The following CSMD1 variants were observed in gnomAD, a reference collection of about 807,000 sequenced individuals.
The protein encoded by CSMD1 is CUB and sushi domain-containing protein 1.
CSMD1 carries 213 observed loss-of-function variants against 417.5 expected under a neutral mutation model. The observed-to-expected ratio is 0.51, with a 90% CI of 0.46 to 0.57. The LOEUF is 0.57. Among genes scored for constraint, CSMD1 ranks in the 20% least tolerant of loss-of-function variants. The pLI is 0.00. For synonymous variants in CSMD1, 2,862 were observed against 1,736.8 expected, an observed-to-expected ratio of 1.65 and a Z score of -16.11; for missense variants, 6,923 against 4,529.7, an observed-to-expected ratio of 1.53 and a Z score of -15.17.
chr8:4,438,607 GCTC>G (rs756632721), intron 2 of CSMD1, among the ~76,000 whole-genome samples: 1 of 152,126 alleles, frequency 6.6e-6, no homozygotes, highest in Admixed American at 6.6e-5. Flanking sequence ...GCTGAATCAT[GCTC>G]CTATTATTTT....
intron 4 of CSMD1, among the ~76,000 whole-genome samples, chr8:4,030,168 C>G (rs1420565327): frequency 6.7e-6 from 1 of 149,314 alleles, no homozygotes; most frequent in Admixed American, 6.8e-5. Context: ...ATTCTGGAGT[C>G]TGAAGGATGG....
At chr8:4,567,995 A>AT (rs1312420844) in intron 2 of CSMD1, among the ~76,000 whole-genome samples, 2 of 152,188 alleles carry the variant, frequency 1.3e-5, no homozygotes, top group African/African-American at 4.8e-5. Context: ...AGTATCAGTG[A>AT]TTTTCACAGG....
intron 5 of CSMD1, among the ~76,000 whole-genome samples, chr8:3,877,644 G>A (rs1177317093): frequency 6.6e-6 from 1 of 151,598 alleles, no homozygotes. Flanking sequence ...CCTTACAGTA[G>A]AATGTCTATT....
chr8:3,749,864 A>G (rs944970698), intron 6 of CSMD1, among the ~76,000 whole-genome samples: 3 of 152,046 alleles, frequency 2.0e-5, no homozygotes, highest in Non-Finnish European at 2.9e-5. Flanking sequence ...GGTGGTTGAC[A>G]ATGGTGCTCG....
chr8:3,695,399 T>A (rs1309140287), intron 7 of CSMD1, among the ~76,000 whole-genome samples: 2 of 149,194 alleles, frequency 1.3e-5, no homozygotes, highest in Admixed American at 6.6e-5. Context: ...ATGCTAAAAC[T>A]CACTTTTATT....
chr8:3,892,475 G>C (rs1394413210), intron 5 of CSMD1, among the ~76,000 whole-genome samples: 1 of 152,016 alleles, frequency 6.6e-6, no homozygotes, highest in Non-Finnish European at 1.5e-5. Context: ...CCCCAACTAA[G>C]TTCTGCAAGA....
At chr8:4,716,713 T>C (rs1430099724) in intron 1 of CSMD1, among the ~76,000 whole-genome samples, 1 of 152,214 alleles carries the variant, frequency 6.6e-6, no homozygotes, top group Non-Finnish European at 1.5e-5. Context: ...CAAGATGATT[T>C]TAATTTTGTA....
At chr8:3,543,807 T>A (rs1183561730) in intron 10 of CSMD1, among the ~76,000 whole-genome samples, 2 of 152,004 alleles carry the variant, frequency 1.3e-5, no homozygotes, top group Non-Finnish European at 2.9e-5. Flanking sequence ...GAGTTCAGAG[T>A]CTGAATAGGA....
At chr8:4,437,082 C>G (rs923984154) in intron 2 of CSMD1, among the ~76,000 whole-genome samples, 11 of 152,180 alleles carry the variant, frequency 7.2e-5, no homozygotes, top group South Asian at 4.1e-4. Context: ...TATGGAAGAA[C>G]AAATTTCCGA....
chr8:3,284,950 C>G (rs748078322), intron 25 of CSMD1, among the ~76,000 whole-genome samples: 1 of 152,050 alleles, frequency 6.6e-6, no homozygotes, highest in Non-Finnish European at 1.5e-5. Context: ...AAAATTTTAC[C>G]ATACTTCTAT....
chr8:3,884,649 C>G (rs776054814), intron 5 of CSMD1, among the ~76,000 whole-genome samples: 2 of 152,016 alleles, frequency 1.3e-5, no homozygotes, highest in Non-Finnish European at 2.9e-5. Context: ...TAATGTTGAC[C>G]AATAAATTCT....
intron 4 of CSMD1, among the ~76,000 whole-genome samples, 181 bp downstream of exon 4, chr8:4,031,724 A>G (rs1318183221): frequency 6.6e-6 from 1 of 152,242 alleles, no homozygotes; most frequent in Non-Finnish European, 1.5e-5. Context: ...ATTACACATT[A>G]CATGTTATTT....
intron 2 of CSMD1, among the ~76,000 whole-genome samples, chr8:4,477,229 C>T (rs1800851347): frequency 6.6e-6 from 1 of 152,208 alleles, no homozygotes; most frequent in Non-Finnish European, 1.5e-5. Context: ...CTCCCAGTGA[C>T]AGAGCTACCT....
intron 2 of CSMD1, among the ~76,000 whole-genome samples, chr8:4,468,628 TA>T (rs1800334963): frequency 6.6e-6 from 1 of 152,186 alleles, no homozygotes; most frequent in Admixed American, 6.5e-5. Flanking sequence ...ACCTAATTGT[TA>T]AAATGGTCCA....
intron 15 of CSMD1, among the ~76,000 whole-genome samples, chr8:3,403,876 CAT>C (rs925238239): frequency 2.0e-5 from 3 of 152,126 alleles, no homozygotes; most frequent in African/African-American, 7.2e-5. Flanking sequence ...CAGCATAAAA[CAT>C]AAAAACTGTA....
intron 5 of CSMD1, among the ~76,000 whole-genome samples, chr8:3,918,635 T>A (rs751507776): frequency 2.6e-5 from 4 of 152,008 alleles, no homozygotes; most frequent in African/African-American, 4.8e-5. Flanking sequence ...TAAATTCCCA[T>A]CAAAAACGAG....
chr8:4,277,731 C>G (rs1048204233), intron 3 of CSMD1, among the ~76,000 whole-genome samples: 1 of 152,044 alleles, frequency 6.6e-6, no homozygotes. Flanking sequence ...AGACCTTACC[C>G]ATTCCCTAAA....
At chr8:3,637,865 C>T (rs1255057190) in intron 7 of CSMD1, among the ~76,000 whole-genome samples, 22 of 152,302 alleles carry the variant, frequency 1.4e-4, no homozygotes, top group African/African-American at 4.1e-4. Context: ...GAATAAGTCT[C>T]ACAAGATCTG....
intron 1 of CSMD1, among the ~76,000 whole-genome samples, chr8:4,787,141 C>T (rs1797442243): frequency 6.6e-6 from 1 of 152,208 alleles, no homozygotes; most frequent in South Asian, 2.1e-4. Context: ...AACTATCCGC[C>T]TATACCCCTC....
Sources: gnomAD v4.1 joint callset for allele counts (sites outside exome capture counted in the v4.1 genomes callset) on GRCh38, gnomAD v4.1.1 for gene constraint, MANE v1.5 for transcripts, NCBI Gene and HGNC (gene_info 2026-07-23, HGNC 2026-07-21) for gene names.